The following RPGRIP1L variants were observed in gnomAD, a reference collection of about 807,000 sequenced individuals.
RPGRIP1L encodes the protein RPGRIP1 like.
A neutral mutation model predicts 160.4 loss-of-function variants in RPGRIP1L; 131 were observed. That is an observed-to-expected ratio of 0.82 (90% confidence interval 0.71 to 0.94). The LOEUF is 0.94. Among genes scored for constraint, RPGRIP1L ranks in the 40% least tolerant of loss-of-function variants. RPGRIP1L has a pLI of 0.00. For synonymous variants in RPGRIP1L, 510 were observed against 515.8 expected (o/e 0.99, Z 0.15); for missense variants, 1,522 against 1,535.8 (o/e 0.99, Z 0.15).
chr16:53,702,451 T>A (rs1448204261), intron 1 of RPGRIP1L, among the ~76,000 whole-genome samples: 1 of 152,144 alleles, frequency 6.6e-6, no homozygotes, highest in Non-Finnish European at 1.5e-5. Context: ...CCCTGCACAA[T>A]GCTGCAATGC....
chr16:53,683,144 A>G (rs1248643354), intron 6 of RPGRIP1L, among the ~76,000 whole-genome samples: 2 of 152,030 alleles, frequency 1.3e-5, no homozygotes, highest in Non-Finnish European at 2.9e-5. Flanking sequence ...ACATTACCAC[A>G]TAAGTTTAGT....
intron 3 of RPGRIP1L, 82 bp downstream of exon 3, chr16:53,696,069 G>T (rs1970732949): frequency 7.8e-7 from 1 of 1,281,392 alleles, no homozygotes; most frequent in African/African-American, 1.5e-5. Context: ...TCAAGGTGGG[G>T]TATTCAATTA....
At chr16:53,698,359 AGGGAGGT>A (rs1971023155) in intron 2 of RPGRIP1L, among the ~76,000 whole-genome samples, 1 of 130,936 alleles carries the variant, frequency 7.6e-6, no homozygotes, top group African/African-American at 3.2e-5. Context: ...CCCGTCCGGG[AGGGAGGT>A]GGGGGGTCAG....
chr16:53,686,373 T>C, intron 6 of RPGRIP1L, 60 bp downstream of exon 6: 2 of 1,518,146 alleles, frequency 1.3e-6, no homozygotes, highest in Non-Finnish European at 9.1e-7. Context: ...TTATGGCACA[T>C]GATAAAGTAT....
intron 9 of RPGRIP1L, among the ~76,000 whole-genome samples, chr16:53,669,839 T>C (rs1368879327): frequency 6.6e-6 from 1 of 152,138 alleles, no homozygotes; most frequent in East Asian, 1.9e-4. Flanking sequence ...TAAAATCAGA[T>C]AGTGAAGCAT....
At chr16:53,642,694 A>G (rs1023029759) in intron 17 of RPGRIP1L, among the ~76,000 whole-genome samples, 2 of 152,188 alleles carry the variant, frequency 1.3e-5, no homozygotes, top group African/African-American at 4.8e-5. Context: ...CAGTAAGAAC[A>G]GTAGGAATCT....
intron 3 of RPGRIP1L, chr16:53,695,581 C>A: frequency 1.7e-6 from 1 of 600,184 alleles, no homozygotes; most frequent in Non-Finnish European, 2.9e-6. Context: ...GAAAGAGTAT[C>A]TACTCTTAAG....
intron 22 of RPGRIP1L, among the ~76,000 whole-genome samples, chr16:53,627,712 A>C (rs1965272544): frequency 6.6e-6 from 1 of 152,142 alleles, no homozygotes; most frequent in Non-Finnish European, 1.5e-5. Context: ...TCATATTCTT[A>C]TTAATCATTC....
chr16:53,606,183 A>C (rs904882498), intron 25 of RPGRIP1L, among the ~76,000 whole-genome samples: 1 of 152,224 alleles, frequency 6.6e-6, no homozygotes, highest in Non-Finnish European at 1.5e-5. Flanking sequence ...TTACTTGAGC[A>C]ATCTTTAACT....
intron 3 of RPGRIP1L, chr16:53,695,499 C>T: frequency 1.5e-6 from 1 of 689,466 alleles, no homozygotes; most frequent in Admixed American, 2.1e-5. Flanking sequence ...CATGATTACA[C>T]ATCTGAACAC....
chr16:53,653,209 A>T, intron 14 of RPGRIP1L: 2 of 662,046 alleles, frequency 3.0e-6, no homozygotes, highest in Non-Finnish European at 3.7e-6. Flanking sequence ...CTTCAGTTTT[A>T]ATATAGCCTA....
chr16:53,611,548 C>T (rs904617603), intron 24 of RPGRIP1L, among the ~76,000 whole-genome samples: 7 of 152,328 alleles, frequency 4.6e-5, no homozygotes, highest in Middle Eastern at 3.4e-3. Flanking sequence ...AGGCTGACGC[C>T]TGCTGGGGAG....
intron 2 of RPGRIP1L, 32 bp from the exon 3 acceptor site, chr16:53,696,327 G>A: frequency 1.9e-6 from 3 of 1,610,524 alleles, no homozygotes; most frequent in Non-Finnish European, 2.5e-6. Context: ...TAATTGTGAG[G>A]TTACTTAAAA....
intron 24 of RPGRIP1L, among the ~76,000 whole-genome samples, chr16:53,612,579 C>T (rs769647522): frequency 9.2e-5 from 13 of 141,666 alleles, no homozygotes; most frequent in Non-Finnish European, 3.0e-5. Flanking sequence ...GCTTTTATGT[C>T]GTACTGGCTT....
chr16:53,602,021 A>T lies in RPGRIP1L; in HGVS notation c.*55T>A, dbSNP rs4784319. 0.32 allele frequency: 320,422 copies of T among 1,003,926 alleles called. 57,543 individuals are homozygous for T. Among genetic ancestry groups the T allele is most frequent in the African/African-American group, 0.6 (37,257 of 62,190 alleles). The allele number at this position is 1,003,926 out of a possible 1,614,324, so 62.2% of individuals were successfully genotyped here. ...AGTAATTACAAAAATCTCATGTAGG[A>T]ACTTTCATGTGAGCATTTACTGAGG... On this transcript the variant is annotated 3_prime_UTR_variant, in exon 27 of 27. Coordinates refer to ENST00000647211, the MANE Select transcript of RPGRIP1L (RefSeq NM_015272.5).
chr16:53,645,905 G>A lies in RPGRIP1L; in HGVS notation c.2403C>T (p.His801=), dbSNP rs1390109484. Reference sequence around the variant, plus strand: ...GCAGGTGGCTTGCTCGGGACTGCAGGTGGTTGCAACATCTTATTGTAATGT... The same window carrying A: ...GCAGGTGGCTTGCTCGGGACTGCAGATGGTTGCAACATCTTATTGTAATGT... The part of the protein sequence containing the change: ...ELHITIRCCN[H]LQSRASHLQP... Residue 801 remains histidine (H), a synonymous_variant, in exon 17 of 27, where the codon CAC becomes CAT. Coordinates refer to ENST00000647211, the MANE Select transcript of RPGRIP1L (RefSeq NM_015272.5). The A allele has an allele frequency of 3.7e-6, 6 of 1,614,018 alleles. No individual in the cohort carries two copies. The African/African-American group carries it at 8.0e-5, about 22-fold the overall frequency.
chr16:53,675,269 T>C (rs1298418930), intron 6 of RPGRIP1L, 147 bp from the exon 7 acceptor site: 1 of 648,648 alleles, frequency 1.5e-6, no homozygotes, highest in African/African-American at 1.8e-5. Flanking sequence ...TTTTGGATTA[T>C]TATAAATGCA....
chr16:53,692,727 CT>C (rs1165890928), intron 3 of RPGRIP1L, among the ~76,000 whole-genome samples: 1 of 152,184 alleles, frequency 6.6e-6, no homozygotes, highest in African/African-American at 2.4e-5. Flanking sequence ...TGGGTTATAT[CT>C]GCAATCCACA....
rs769809157 is a variant in RPGRIP1L, at chr16:53,619,156, T to A, written c.3485A>T (p.Gln1162Leu). ...TTGGATAGTGTCATCCATGGTTACT[T>A]GAGAATCATTAAGGCTTAGAGCTAT... ...EIIALSLNDS[Q>L]VTMDDTIQRL... is the part of the protein sequence containing the mutation. Residue 1162 changes from glutamine (Q) to leucine (L), a missense_variant, in exon 24 of 27, where the codon CAA (glutamine) becomes CTA (leucine). Gln to Leu is a moderately radical substitution (Grantham distance 113). Transcript: ENST00000647211. The A allele has an allele frequency of 6.2e-7, 1 of 1,614,062 alleles. No individual in the cohort carries two copies. The highest frequency in any genetic ancestry group is 1.1e-5 in the South Asian group (1 of 91,080).
Sources: allele counts gnomAD v4.1 joint callset (sites outside exome capture counted in the v4.1 genomes callset), GRCh38; gene constraint gnomAD v4.1.1; transcripts MANE v1.5; gene names NCBI Gene and HGNC (gene_info 2026-07-23, HGNC 2026-07-21).